SLC44A5: variants seen among roughly 807,000 people sequenced by gnomAD.
SLC44A5 encodes solute carrier family 44 member 5.
In SLC44A5, 57 loss-of-function variants were observed where a neutral mutation model predicts 101.8. The observed-to-expected ratio is 0.56, with a 90% confidence interval of 0.45 to 0.70. SLC44A5 has a LOEUF of 0.70. Among genes scored for constraint, SLC44A5 ranks in the 30% least tolerant of loss-of-function variants. The pLI, the probability that SLC44A5 is intolerant of heterozygous loss-of-function variation, is 0.00. For synonymous variants in SLC44A5, 281 were observed against 290.9 expected, an observed-to-expected ratio of 0.97 and a Z score of 0.35; for missense variants, 737 against 853.1, an observed-to-expected ratio of 0.86 and a Z score of 1.70.
chr1:75,537,005 CAAAAAA>C (rs1167125855), intron 2 of SLC44A5, among the ~76,000 whole-genome samples: 1 of 8,282 alleles, frequency 1.2e-4, no homozygotes, highest in East Asian at 4.2e-3. Context: ...GACTCCATCT[CAAAAAA>C]AAAAAAAAAA....
the SLC44A5 span, among the ~76,000 whole-genome samples, chr1:75,669,521 C>T: frequency 6.6e-6 from 1 of 152,314 alleles, no homozygotes; most frequent in South Asian, 2.1e-4. Flanking sequence ...ACTACTGTCC[C>T]AACTTAGGAG....
chr1:75,594,721 T>G (rs1352809090), intron 1 of SLC44A5, among the ~76,000 whole-genome samples: 2 of 151,814 alleles, frequency 1.3e-5, no homozygotes, highest in Admixed American at 1.3e-4. Flanking sequence ...GAAGTTTTTA[T>G]ACCTTGGAAG....
At chr1:75,547,243 G>T (rs970468502) in intron 1 of SLC44A5, among the ~76,000 whole-genome samples, 1 of 152,114 alleles carries the variant, frequency 6.6e-6, no homozygotes, top group Admixed American at 6.5e-5. Flanking sequence ...AGGATTAACA[G>T]CACAAACAAT....
At chr1:75,354,497 T>C (rs1658923056) in intron 3 of SLC44A5, among the ~76,000 whole-genome samples, 1 of 152,176 alleles carries the variant, frequency 6.6e-6, no homozygotes, top group Admixed American at 6.6e-5. Flanking sequence ...AACCCCCACA[T>C]CCTCACTACC....
chr1:75,387,189 C>T (rs1017159317), intron 3 of SLC44A5, among the ~76,000 whole-genome samples: 3 of 152,142 alleles, frequency 2.0e-5, no homozygotes, highest in Admixed American at 2.0e-4. Flanking sequence ...GCAACGGCAA[C>T]AAAAGCCAAA....
At chr1:75,624,548 C>T in the SLC44A5 span, among the ~76,000 whole-genome samples, 1 of 152,056 alleles carries the variant, frequency 6.6e-6, no homozygotes, top group Non-Finnish European at 1.5e-5. Flanking sequence ...CCAAAGATAT[C>T]TCTCTAGGGG....
chr1:75,338,651 A>T (rs142216882), intron 4 of SLC44A5, among the ~76,000 whole-genome samples: 1,530 of 152,310 alleles, frequency 0.01, 25 homozygotes, highest in Middle Eastern at 0.054. Flanking sequence ...ATTTTAAAGA[A>T]GGTGCCTTTA....
intron 4 of SLC44A5, among the ~76,000 whole-genome samples, chr1:75,339,259 T>C (rs182407644): frequency 6.2e-4 from 94 of 152,272 alleles, no homozygotes; most frequent in Non-Finnish European, 1.2e-3. Context: ...ATAAAACAAC[T>C]ACTTGAATGA....
At chr1:75,696,531 A>G in the SLC44A5 span, among the ~76,000 whole-genome samples, 2 of 152,202 alleles carry the variant, frequency 1.3e-5, no homozygotes, top group African/African-American at 2.4e-5. Context: ...TGAGGATTGG[A>G]GTCATCAAAT....
intron 4 of SLC44A5, among the ~76,000 whole-genome samples, chr1:75,339,323 C>G (rs1374532658): frequency 6.6e-6 from 1 of 152,004 alleles, no homozygotes; most frequent in Non-Finnish European, 1.5e-5. Flanking sequence ...TTTCACTTCT[C>G]TTTTTGAAAA....
chr1:75,326,262 CTT>C (rs35059170), intron 4 of SLC44A5, among the ~76,000 whole-genome samples: 31 of 144,034 alleles, frequency 2.2e-4, no homozygotes, highest in East Asian at 1.2e-3. Context: ...ATTCTTACTG[CTT>C]TTTTTTTTTT....
At chr1:75,722,068 G>C in the SLC44A5 span, among the ~76,000 whole-genome samples, 3 of 152,098 alleles carry the variant, frequency 2.0e-5, 1 homozygote, top group South Asian at 4.1e-4. Context: ...AAAGTATTCT[G>C]AACTGAAGTG....
intron 6 of SLC44A5, among the ~76,000 whole-genome samples, chr1:75,252,175 C>T (rs1335180801): frequency 6.6e-6 from 1 of 152,146 alleles, no homozygotes; most frequent in Admixed American, 6.5e-5. Flanking sequence ...CCCCTAAGCT[C>T]CCCAGTGGAT....
At chr1:75,458,658 G>A (rs1308466699) in intron 2 of SLC44A5, among the ~76,000 whole-genome samples, 1 of 152,012 alleles carries the variant, frequency 6.6e-6, no homozygotes, top group Non-Finnish European at 1.5e-5. Context: ...AAAAAATGAA[G>A]GGAAAAGGAA....
intron 4 of SLC44A5, among the ~76,000 whole-genome samples, chr1:75,312,981 T>C (rs1025998132): frequency 1.3e-5 from 2 of 152,214 alleles, no homozygotes; most frequent in Non-Finnish European, 2.9e-5. Flanking sequence ...TCATTTTCTA[T>C]TGGAAGTTCT....
At chr1:75,242,444 C>T (rs997593546) in intron 8 of SLC44A5, among the ~76,000 whole-genome samples, 1 of 151,810 alleles carries the variant, frequency 6.6e-6, no homozygotes, top group Non-Finnish European at 1.5e-5. Context: ...TTAGAATTCT[C>T]TTACGTATCT....
At chr1:75,656,927 T>C in the SLC44A5 span, among the ~76,000 whole-genome samples, 1 of 152,156 alleles carries the variant, frequency 6.6e-6, no homozygotes, top group Non-Finnish European at 1.5e-5. Context: ...GGCAGGCAGA[T>C]CACCTGAGAT....
intron 1 of SLC44A5, among the ~76,000 whole-genome samples, chr1:75,576,565 A>G (rs1311099770): frequency 1.3e-5 from 2 of 152,170 alleles, no homozygotes; most frequent in Non-Finnish European, 1.5e-5. Flanking sequence ...TGATCCGTCC[A>G]CTGTGGCCTC....
chr1:75,650,947 C>T, the SLC44A5 span, among the ~76,000 whole-genome samples: 1 of 152,180 alleles, frequency 6.6e-6, no homozygotes, highest in African/African-American at 2.4e-5. Flanking sequence ...TAAAACTGCT[C>T]AGATGTCCTT....
Sources: gnomAD v4.1 joint callset for allele counts (sites outside exome capture counted in the v4.1 genomes callset) on GRCh38, gnomAD v4.1.1 for gene constraint, MANE v1.5 for transcripts, NCBI Gene and HGNC (gene_info 2026-07-23, HGNC 2026-07-21) for gene names.